TYW1: variants seen among roughly 807,000 people sequenced by gnomAD.
TYW1 encodes tRNA-yW synthesizing protein 1 homolog.
A neutral mutation model predicts 96.2 loss-of-function variants in TYW1; 46 were observed. The observed-to-expected ratio is 0.48, with a 90% CI of 0.38 to 0.61. TYW1 has a LOEUF of 0.61. TYW1 is among the 20% of genes least tolerant of loss of function. The pLI, the probability that TYW1 is intolerant of heterozygous loss-of-function variation, is 0.00. For synonymous variants in TYW1, 274 were observed against 323.0 expected, an observed-to-expected ratio of 0.85 and a Z score of 1.63; for missense variants, 684 against 909.6, an observed-to-expected ratio of 0.75 and a Z score of 3.19.
chr7:67,113,346 T>A (rs1797484045), intron 12 of TYW1, among the ~76,000 whole-genome samples: 1 of 152,192 alleles, frequency 6.6e-6, no homozygotes, highest in Admixed American at 6.5e-5. Context: ...ATGAAGTGCA[T>A]AAGCCCCTGA....
intron 6 of TYW1, among the ~76,000 whole-genome samples, chr7:67,020,173 A>G (rs1315496729): frequency 6.6e-6 from 1 of 152,276 alleles, no homozygotes; most frequent in Non-Finnish European, 1.5e-5. Context: ...GGAGGCTAGG[A>G]GTTCAAGATC....
intron 6 of TYW1, among the ~76,000 whole-genome samples, chr7:67,020,981 T>C (rs968408732): frequency 2.0e-5 from 3 of 152,270 alleles, no homozygotes; most frequent in African/African-American, 7.2e-5. Flanking sequence ...TGAGCCGAGA[T>C]TGCGTCACTG....
At chr7:67,058,552 G>A (rs1489727801) in intron 9 of TYW1, among the ~76,000 whole-genome samples, 1 of 151,846 alleles carries the variant, frequency 6.6e-6, no homozygotes, top group Non-Finnish European at 1.5e-5. Context: ...GTGCAATTTC[G>A]GCTCACTGCA....
In TYW1 at chr7:67,180,424, A is replaced by ATATATATATATATT. The variant is rs1341437613; in HGVS notation, c.1699-2702_1699-2701insTATATATATATATT. ...TATATATTTATATATATATATATATAATTTTTTTTTTGGTAACTGGCCTAA... is the reference window on the plus strand; with the variant it reads ...TATATATTTATATATATATATATATATATATATATATATTATTTTTTTTTTGGTAACTGGCCTAA... On this transcript the variant is annotated intron_variant, in intron 13 of 15. Coordinates refer to ENST00000359626, the MANE Select transcript of TYW1 (RefSeq NM_018264.4). Among the ~76,000 whole-genome samples, 101 of 81,882 alleles carry ATATATATATATATT rather than the reference A, an allele frequency of 1.2e-3. 2 individuals are homozygous for ATATATATATATATT. The highest frequency in any genetic ancestry group is 8.2e-3 in the Middle Eastern group (1 of 122). The allele number at this position is 81,882 out of a possible 152,430, so 53.7% of individuals were successfully genotyped here. A position where few individuals can be genotyped will look rare whatever the true frequency, so the allele number is the denominator to read the frequency against.
intron 13 of TYW1, among the ~76,000 whole-genome samples, chr7:67,154,877 A>G (rs1798917768): frequency 6.6e-6 from 1 of 151,956 alleles, no homozygotes; most frequent in Admixed American, 6.5e-5. Context: ...ATACTTTTAA[A>G]TTATCTTTTT....
intron 15 of TYW1, among the ~76,000 whole-genome samples, chr7:67,226,899 CTT>C (rs1272463406): frequency 1.3e-5 from 2 of 152,146 alleles, no homozygotes; most frequent in South Asian, 4.1e-4. Context: ...AGCCTCTCTT[CTT>C]TCATCAATAC....
chr7:67,066,019 ACACACACACACACC>A (rs1339881463), intron 9 of TYW1, among the ~76,000 whole-genome samples: 20 of 135,938 alleles, frequency 1.5e-4, no homozygotes, highest in Non-Finnish European at 3.0e-4. Flanking sequence ...ACACACACAC[ACACACACACACACC>A]CACACCCCTA....
At chr7:67,236,366 G>A (rs1332845931) in intron 15 of TYW1, among the ~76,000 whole-genome samples, 4 of 152,254 alleles carry the variant, frequency 2.6e-5, no homozygotes, top group Admixed American at 6.5e-5. Flanking sequence ...CAATTGGCTG[G>A]AAGACAGTGG....
In TYW1 at chr7:67,112,100, CAAAA is replaced by C. The variant is rs538839042; in HGVS notation, c.1563-5363_1563-5360del. ...GGTGACAGAGCGAGACTCTGTCTGACAAAAAAAAAAAAAAAAAAAAAAAGAAAGT... is the reference window on the plus strand; with the variant it reads ...GGTGACAGAGCGAGACTCTGTCTGACAAAAAAAAAAAAAAAAAAAGAAAGT... On this transcript the variant is annotated intron_variant, in intron 12 of 15. Transcript: ENST00000359626. Among the ~76,000 whole-genome samples, 220 of 94,856 alleles carry C rather than the reference CAAAA, an allele frequency of 2.3e-3. 1 individual carries two copies. The highest frequency in any genetic ancestry group is 7.0e-3 in the African/African-American group (186 of 26,726). 62.2% of individuals were successfully genotyped at this position (94,856 alleles called of 152,430 possible).
chr7:67,019,775 C>T (rs1295253282), intron 6 of TYW1, among the ~76,000 whole-genome samples: 2 of 152,272 alleles, frequency 1.3e-5, no homozygotes, highest in Admixed American at 6.5e-5. Context: ...AAGGAGTGGT[C>T]GATACCAAGT....
At chr7:67,184,999 G>A (rs3980775) in intron 14 of TYW1, among the ~76,000 whole-genome samples, 42,604 of 151,618 alleles carry the variant, frequency 0.28, 6,490 homozygotes, top group African/African-American at 0.4. Flanking sequence ...TAGAACTACC[G>A]CGCCAGGCCT....
chr7:67,046,847 A>C lies in TYW1; in HGVS notation c.985-3102A>C, dbSNP rs1230171685. 2.0e-5 allele frequency among the ~76,000 whole-genome samples: 3 copies of C among 152,222 alleles called. No individual in the cohort carries two copies. In the East Asian group the frequency reaches 5.8e-4, roughly 29 times the overall value. Reference sequence around the variant, plus strand: ...CCCTTATGACTGACTCTGGGGTTGCAACACTCACATTTTATAATAGATACT... The same window carrying C: ...CCCTTATGACTGACTCTGGGGTTGCCACACTCACATTTTATAATAGATACT... On this transcript the variant is annotated intron_variant, in intron 7 of 15. Transcript: ENST00000359626.
intron 13 of TYW1, among the ~76,000 whole-genome samples, chr7:67,172,946 C>G (rs904680997): frequency 6.9e-6 from 1 of 144,170 alleles, no homozygotes. Context: ...ATAATGAGAC[C>G]CTGTCTCTAC....
In TYW1 at chr7:67,099,448, T is replaced by G. The variant is rs141122376; in HGVS notation, c.1562+730T>G. Among the ~76,000 whole-genome samples the G allele has an allele frequency of 6.6e-4, 100 of 152,318 alleles. 1 individual carries two copies. The highest frequency in any genetic ancestry group is 2.3e-3 in the African/African-American group (97 of 41,568). ...TGGGGTATTTGTGATAACCATTATA[T>G]AAGTGTAGTTTATTTAGACCACAGA... is the stretch of plus-strand genomic sequence containing the variant. On this transcript the variant is annotated intron_variant, in intron 12 of 15. Transcript: ENST00000359626.
intron 10 of TYW1, 106 bp from the exon 11 acceptor site, chr7:67,083,324 A>G: frequency 1.8e-6 from 2 of 1,110,492 alleles, no homozygotes; most frequent in South Asian, 1.4e-5. Flanking sequence ...TTAGGAGGAA[A>G]CCAGTCCTGA....
Position 67,239,211 on chromosome 7 carries a change from G to T in TYW1, c.*682G>T, listed in dbSNP as rs1274907043. 1.0e-6 allele frequency: 1 copy of T among 985,366 alleles called. No individual in the cohort carries two copies. The highest frequency in any genetic ancestry group is 1.2e-6 in the Non-Finnish European group (1 of 829,962). The allele number at this position is 985,366 out of a possible 1,614,324, so 61.0% of individuals were successfully genotyped here. A position where few individuals can be genotyped will look rare whatever the true frequency, so the allele number is the denominator to read the frequency against. On this transcript the variant is annotated 3_prime_UTR_variant, in exon 16 of 16. Transcript: ENST00000359626. ...CTGGAGCGGAGTGAAGCTGTCTGCT[G>T]TAAGAGGAGTGGCCATGTGAGGGCA...
intron 11 of TYW1, among the ~76,000 whole-genome samples, chr7:67,089,974 C>G (rs564054999): frequency 6.6e-6 from 1 of 152,298 alleles, no homozygotes; most frequent in African/African-American, 2.4e-5. Context: ...ACCCGTTCAG[C>G]AAACATCAAG....
intron 15 of TYW1, among the ~76,000 whole-genome samples, chr7:67,195,923 A>G (rs1327495704): frequency 1.3e-5 from 2 of 151,410 alleles, no homozygotes; most frequent in African/African-American, 4.9e-5. Flanking sequence ...ATAGTTTGCT[A>G]ATTTTCTGGA....
chr7:67,023,635 G>C (rs1794351906), intron 6 of TYW1, among the ~76,000 whole-genome samples: 1 of 151,940 alleles, frequency 6.6e-6, no homozygotes, highest in Non-Finnish European at 1.5e-5. Context: ...GGGTGTGATG[G>C]TGCATGCCTG....
Sources: gnomAD v4.1 joint callset for allele counts (sites outside exome capture counted in the v4.1 genomes callset) on GRCh38, gnomAD v4.1.1 for gene constraint, MANE v1.5 for transcripts, NCBI Gene and HGNC (gene_info 2026-07-23, HGNC 2026-07-21) for gene names.